The following IQSEC1 variants were observed in gnomAD, a reference collection of about 807,000 sequenced individuals.
IQSEC1 encodes the protein IQ motif and SEC7 domain-containing protein 1.
A neutral mutation model predicts 91.0 loss-of-function variants in IQSEC1; 31 were observed. The observed-to-expected ratio is 0.34, with a 90% CI of 0.26 to 0.46. The LOEUF is 0.46. IQSEC1 is among the 20% of genes least tolerant of loss of function. The pLI, the probability that IQSEC1 is intolerant of heterozygous loss-of-function variation, is 1.00. For synonymous variants in IQSEC1, 699 were observed against 662.6 expected (o/e 1.05, Z -0.84); for missense variants, 1,388 against 1,575.6 (o/e 0.88, Z 2.02).
At chr3:13,099,222 T>G (rs1038824996) in intron 2 of IQSEC1, among the ~76,000 whole-genome samples, 1 of 152,118 alleles carries the variant, frequency 6.6e-6, no homozygotes, top group Non-Finnish European at 1.5e-5. Context: ...GAGAGGCAAG[T>G]GAGACCTTCA....
intron 12 of IQSEC1, among the ~76,000 whole-genome samples, chr3:12,905,940 G>A (rs1338048156): frequency 6.6e-6 from 1 of 152,204 alleles, no homozygotes; most frequent in Non-Finnish European, 1.5e-5. Context: ...GCTGGAATGA[G>A]CACCGGGTGG....
intron 1 of IQSEC1, among the ~76,000 whole-genome samples, chr3:13,059,608 C>T (rs1704995304): frequency 6.6e-6 from 1 of 152,110 alleles, no homozygotes; most frequent in Admixed American, 6.5e-5. Context: ...AAAAAATTAG[C>T]CAGTGTGGTG....
In IQSEC1 at chr3:13,200,098, C is replaced by T. The variant is rs570529541; in HGVS notation, c.273-35965G>A. Among the ~76,000 whole-genome samples, 25 of 150,254 alleles carry T rather than the reference C, an allele frequency of 1.7e-4. 1 individual carries two copies. Among genetic ancestry groups the T allele is most frequent in the South Asian group, 6.3e-4 (3 of 4,730 alleles). Reference sequence around the variant, plus strand: ...ACAACATGCATATACACAACATGCGCGCGCACGCACACACACATACACCAC... The same window carrying T: ...ACAACATGCATATACACAACATGCGTGCGCACGCACACACACATACACCAC... On this transcript the variant is annotated intron_variant, in intron 1 of 15. Transcript: ENST00000648114.
chr3:13,004,000 G>T (rs1475713613), intron 1 of IQSEC1, among the ~76,000 whole-genome samples: 1 of 152,202 alleles, frequency 6.6e-6, no homozygotes, highest in East Asian at 1.9e-4. Context: ...GTACACGGGA[G>T]AATTTTGTTT....
At chr3:13,003,024 G>A (rs78514578) in intron 1 of IQSEC1, among the ~76,000 whole-genome samples, 1,685 of 152,242 alleles carry the variant, frequency 0.011, 11 homozygotes, top group Non-Finnish European at 0.019. Context: ...AATCTTGTAT[G>A]CAAATATCCA....
At chr3:13,250,192 G>A (rs1034433909) in intron 1 of IQSEC1, among the ~76,000 whole-genome samples, 8 of 152,254 alleles carry the variant, frequency 5.3e-5, no homozygotes, top group East Asian at 1.9e-4. Flanking sequence ...CAGATTCAAC[G>A]AAGGCCAGCT....
At chr3:12,984,579 G>A (rs1471730582) in intron 1 of IQSEC1, among the ~76,000 whole-genome samples, 1 of 152,140 alleles carries the variant, frequency 6.6e-6, no homozygotes, top group East Asian at 1.9e-4. Flanking sequence ...CCTCCTTTCA[G>A]GGGGCTGGGA....
At chr3:12,968,406 G>A (rs1270394976) in intron 1 of IQSEC1, among the ~76,000 whole-genome samples, 1 of 151,988 alleles carries the variant, frequency 6.6e-6, no homozygotes. Context: ...CCTATGACAA[G>A]CTTAAAGTAA....
At chr3:13,003,615 A>C (rs1033463626) in intron 1 of IQSEC1, among the ~76,000 whole-genome samples, 1 of 152,264 alleles carries the variant, frequency 6.6e-6, no homozygotes, top group African/African-American at 2.4e-5. Flanking sequence ...AGTGAATTTC[A>C]TAGAGTAAAG....
chr3:12,918,040 G>A (rs1696276434), intron 6 of IQSEC1, among the ~76,000 whole-genome samples: 1 of 152,158 alleles, frequency 6.6e-6, no homozygotes, highest in Non-Finnish European at 1.5e-5. Context: ...CCATGCACTC[G>A]GCACAGAGCA....
At chr3:13,015,556 G>A (rs1220187673) in intron 1 of IQSEC1, 4 of 985,318 alleles carry the variant, frequency 4.1e-6, no homozygotes, top group South Asian at 4.7e-5. Context: ...TCCCCTCCCC[G>A]GGCCAGGTGG....
At chr3:13,254,051 G>A (rs771247293) in intron 1 of IQSEC1, among the ~76,000 whole-genome samples, 1 of 152,210 alleles carries the variant, frequency 6.6e-6, no homozygotes, top group African/African-American at 2.4e-5. Context: ...CTCCACTGTC[G>A]CATCTGAGGA....
intron 1 of IQSEC1, among the ~76,000 whole-genome samples, chr3:13,227,912 A>C (rs1443799897): frequency 6.6e-6 from 1 of 152,162 alleles, no homozygotes; most frequent in African/African-American, 2.4e-5. Context: ...CTGGATCCTC[A>C]GCCTGGATGC....
At chr3:12,996,340 T>C (rs1330845674) in intron 1 of IQSEC1, among the ~76,000 whole-genome samples, 3 of 152,200 alleles carry the variant, frequency 2.0e-5, no homozygotes, top group East Asian at 3.8e-4. Flanking sequence ...TTAGAATCTG[T>C]TGGACCTGGG....
chr3:13,145,705 G>A (rs931084899), intron 2 of IQSEC1, among the ~76,000 whole-genome samples: 8 of 151,734 alleles, frequency 5.3e-5, no homozygotes, highest in East Asian at 1.9e-4. Context: ...CAGAGGAGGC[G>A]TGGACAAAGT....
At chr3:13,144,057 ACTCCAAACAAGG>A (rs1328034048) in intron 2 of IQSEC1, among the ~76,000 whole-genome samples, 3 of 152,048 alleles carry the variant, frequency 2.0e-5, no homozygotes, top group Non-Finnish European at 4.4e-5. Flanking sequence ...TCCAAAACAG[ACTCCAAACAAGG>A]CTTTAATCTT....
At chr3:13,034,966 A>G (rs1703981970) in intron 1 of IQSEC1, among the ~76,000 whole-genome samples, 4 of 152,366 alleles carry the variant, frequency 2.6e-5, no homozygotes, top group South Asian at 4.1e-4. Flanking sequence ...GTGGGAATTC[A>G]GAAGCCTGTG....
In IQSEC1 at chr3:12,900,432, C is replaced by A. The variant is rs911085343; in HGVS notation, c.*551G>T. On this transcript the variant is annotated 3_prime_UTR_variant, in exon 14 of 14. Coordinates refer to ENST00000613206, the MANE Select transcript of IQSEC1 (RefSeq NM_001134382.3). The stretch of plus-strand genomic sequence containing the variant: ...TGGACTGAAACGCCTGCCTTTCACA[C>A]ACAAGTACTACCTATACAGTATATA... The A allele has an allele frequency of 7.5e-6, 7 of 932,982 alleles. No individual in the cohort carries two copies. Among genetic ancestry groups the A allele is most frequent in the Non-Finnish European group, 8.9e-6 (7 of 783,568 alleles). The allele number at this position is 932,982 out of a possible 1,614,324, so 57.8% of individuals were successfully genotyped here.
intron 1 of IQSEC1, among the ~76,000 whole-genome samples, chr3:12,946,377 A>G (rs1295741937): frequency 6.6e-6 from 1 of 152,222 alleles, no homozygotes; most frequent in African/African-American, 2.4e-5. Context: ...AGACCAAGGA[A>G]TGGGCCGAGG....
Sources: allele counts gnomAD v4.1 joint callset (sites outside exome capture counted in the v4.1 genomes callset), GRCh38; gene constraint gnomAD v4.1.1; transcripts MANE v1.5; gene names NCBI Gene and HGNC (gene_info 2026-07-23, HGNC 2026-07-21).